Variants in PDLIM5 observed in about 807,000 individuals in gnomAD.
PDLIM5 encodes the protein PDZ and LIM domain protein 5.
A neutral mutation model predicts 64.2 loss-of-function variants in PDLIM5; 34 were observed. The observed-to-expected ratio is 0.53, with a 90% CI of 0.40 to 0.71. The LOEUF (loss-of-function observed/expected upper bound fraction) is 0.71, where lower values mean the gene tolerates loss of function less well. Ranked by LOEUF, PDLIM5 falls within the 30% of genes least tolerant of loss-of-function variation. The pLI is 0.00. For missense variants in PDLIM5, 683 were observed against 733.6 expected (o/e 0.93, Z 0.80); for synonymous variants, 253 against 269.1 (o/e 0.94, Z 0.59).
chr4:94,513,937 T>A (rs1729123758), intron 2 of PDLIM5, among the ~76,000 whole-genome samples: 1 of 152,100 alleles, frequency 6.6e-6, no homozygotes, highest in African/African-American at 2.4e-5. Context: ...CATGTAGGGA[T>A]GTTGATTTTA....
rs1445449079 is a variant in PDLIM5, at chr4:94,575,878, T to G, written c.554T>G (p.Leu185Arg). 1 of 1,614,036 alleles carries G rather than the reference T, an allele frequency of 6.2e-7. No individual in the cohort carries two copies. The highest frequency in any genetic ancestry group is 8.5e-7 in the Non-Finnish European group (1 of 1,180,024). ...TCTGGACTGCATGCTAATGCCAATC[T>G]TAGTGCTGACCAGTCTCCATCTGCA... ...AASGLHANAN[L>R]SADQSPSALS... is the part of the protein sequence containing the mutation. Residue 185 changes from leucine (L) to arginine (R), a missense_variant, in exon 5 of 13, where the codon CTT becomes CGT. Physicochemically the swap from Leu to Arg is moderately radical, Grantham distance 102 (BLOSUM62 -2). Transcript: ENST00000317968.
rs55845770 is a variant in PDLIM5 at position 94,665,507 on chromosome 4, G to A, written c.*1440G>A. 2.5e-3 allele frequency: 1,378 copies of A among 541,676 alleles called. 31 individuals are homozygous for A. The highest frequency in any genetic ancestry group is 0.021 in the African/African-American group (798 of 38,690). The allele number at this position is 541,676 out of a possible 1,614,324, so 33.6% of individuals were successfully genotyped here. ...AAAAAAAAAAAAAAAAAAAAAAAAA[G>A]AGAGAGAGAGAATAAATAGAAAAGA... On this transcript the variant is annotated 3_prime_UTR_variant, in exon 13 of 13. Coordinates refer to ENST00000317968, the MANE Select transcript of PDLIM5 (RefSeq NM_006457.5).
At position 94,494,432 on chromosome 4, in the gene PDLIM5, G is replaced by GGTTTTTTTT. The variant is rs1553940971; in HGVS notation, c.97-29292_97-29291insGTTTTTTTT. Reference sequence around the variant, plus strand: ...AGCATTCACTAATTTTTTTTTTCTTGTTTTTTTTTTTTTTTTTTTTTTTTG... The same window carrying GGTTTTTTTT: ...AGCATTCACTAATTTTTTTTTTCTTGGTTTTTTTTTTTTTTTTTTTTTTTTTTTTTTTTG... On this transcript the variant is annotated intron_variant, in intron 2 of 12. Coordinates refer to ENST00000317968, the MANE Select transcript of PDLIM5 (RefSeq NM_006457.5). 6.9e-4 allele frequency among the ~76,000 whole-genome samples: 49 copies of GGTTTTTTTT among 70,778 alleles called. 2 individuals carry two copies. Among genetic ancestry groups the GGTTTTTTTT allele is most frequent in the Non-Finnish European group, 1.2e-3 (42 of 36,266 alleles). 46.4% of individuals were successfully genotyped at this position (70,778 alleles called of 152,430 possible).
chr4:94,651,283 A>C (rs1246228579), intron 9 of PDLIM5, among the ~76,000 whole-genome samples: 1 of 152,182 alleles, frequency 6.6e-6, no homozygotes, highest in African/African-American at 2.4e-5. Context: ...TGCTTGTTTA[A>C]GAAAGGAGAT....
chr4:94,483,873 A>C (rs902234147), intron 2 of PDLIM5, among the ~76,000 whole-genome samples: 1 of 152,180 alleles, frequency 6.6e-6, no homozygotes, highest in Non-Finnish European at 1.5e-5. Flanking sequence ...TCTTAGTACA[A>C]TTCTTCATTC....
chr4:94,664,204 A>C lies in PDLIM5; in HGVS notation c.*137A>C. On this transcript the variant is annotated 3_prime_UTR_variant, in exon 13 of 13. Transcript: ENST00000317968. ...CCCTGAAGGAATAAATTCCAGCTTT[A>C]AAAACCAAGTCTGAGGAAATATTTG... is the stretch of plus-strand genomic sequence containing the variant. 1 of 1,229,968 alleles carries C rather than the reference A, an allele frequency of 8.1e-7. No individual in the cohort carries two copies. Among genetic ancestry groups the C allele is most frequent in the Non-Finnish European group, 1.0e-6 (1 of 976,418 alleles). 76.2% of individuals were successfully genotyped at this position (1,229,968 alleles called of 1,614,324 possible).
chr4:94,497,453 T>TA (rs1727499848), intron 2 of PDLIM5, among the ~76,000 whole-genome samples: 1 of 152,192 alleles, frequency 6.6e-6, no homozygotes, highest in Non-Finnish European at 1.5e-5. Flanking sequence ...AGGAAGGACT[T>TA]ACACTCACTG....
intron 7 of PDLIM5, among the ~76,000 whole-genome samples, chr4:94,602,910 T>C (rs1441789706): frequency 6.6e-6 from 1 of 152,206 alleles, no homozygotes; most frequent in East Asian, 1.9e-4. Flanking sequence ...AAGGATTAAA[T>C]ATGATGATAC....
intron 8 of PDLIM5, among the ~76,000 whole-genome samples, chr4:94,637,258 A>C (rs1420991495): frequency 1.3e-5 from 2 of 152,170 alleles, no homozygotes; most frequent in African/African-American, 4.8e-5. Flanking sequence ...TGTTGTAAGG[A>C]TTTAAGAATA....
intron 3 of PDLIM5, among the ~76,000 whole-genome samples, chr4:94,525,348 G>C (rs887778633): frequency 2.6e-5 from 4 of 152,092 alleles, no homozygotes; most frequent in African/African-American, 9.7e-5. Flanking sequence ...AACTCTAGAG[G>C]TGGAGGTTGC....
chr4:94,618,221 T>C, intron 8 of PDLIM5, 30 bp downstream of exon 8: 1 of 1,472,594 alleles, frequency 6.8e-7, no homozygotes, highest in South Asian at 1.3e-5. Flanking sequence ...TGCGTCTTGC[T>C]TTTCGTAATG....
intron 4 of PDLIM5, among the ~76,000 whole-genome samples, chr4:94,575,306 TTGACAC>T (rs1735152726): frequency 6.6e-6 from 1 of 152,252 alleles, no homozygotes; most frequent in South Asian, 2.1e-4. Context: ...TATGCCTAGG[TTGACAC>T]TGATGAGGGG....
intron 5 of PDLIM5, among the ~76,000 whole-genome samples, chr4:94,579,695 A>G (rs1735584172): frequency 6.6e-6 from 1 of 152,110 alleles, no homozygotes; most frequent in Non-Finnish European, 1.5e-5. Flanking sequence ...TTGCATTGCT[A>G]TGTTGTGGTG....
chr4:94,538,717 C>A (rs1426093741), intron 3 of PDLIM5, among the ~76,000 whole-genome samples: 2 of 152,114 alleles, frequency 1.3e-5, no homozygotes, highest in African/African-American at 4.8e-5. Flanking sequence ...TTTTCTGTAA[C>A]CTTTTCTTAT....
chr4:94,622,274 G>A (rs13435269), intron 8 of PDLIM5, among the ~76,000 whole-genome samples: 38,306 of 151,878 alleles, frequency 0.25, 5,108 homozygotes, highest in East Asian at 0.42. Flanking sequence ...GTGTTTATGC[G>A]TTCCTGTTTA....
intron 10 of PDLIM5, 46 bp downstream of exon 10, chr4:94,654,686 A>G (rs757577207): frequency 7.9e-7 from 1 of 1,261,886 alleles, no homozygotes; most frequent in Non-Finnish European, 1.1e-6. Flanking sequence ...TTAAAGTAGA[A>G]TAATTTTTTG....
intron 9 of PDLIM5, among the ~76,000 whole-genome samples, chr4:94,653,306 C>T (rs1028698510): frequency 1.3e-5 from 2 of 152,126 alleles, no homozygotes; most frequent in African/African-American, 2.4e-5. Flanking sequence ...TTCATAATAA[C>T]TGTCCTGGTC....
At chr4:94,580,678 G>A (rs2110298281) in intron 5 of PDLIM5, among the ~76,000 whole-genome samples, 1 of 152,110 alleles carries the variant, frequency 6.6e-6, no homozygotes, top group Non-Finnish European at 1.5e-5. Context: ...GTTTCTAAAT[G>A]CATTATGTGA....
At chr4:94,467,252 A>G (rs1724447482) in intron 2 of PDLIM5, among the ~76,000 whole-genome samples, 1 of 152,064 alleles carries the variant, frequency 6.6e-6, no homozygotes, top group African/African-American at 2.4e-5. Flanking sequence ...CTGGGTTGCC[A>G]TTGCAATCAA....
Sources: gnomAD v4.1 joint callset for allele counts (sites outside exome capture counted in the v4.1 genomes callset) on GRCh38, gnomAD v4.1.1 for gene constraint, MANE v1.5 for transcripts, NCBI Gene and HGNC (gene_info 2026-07-23, HGNC 2026-07-21) for gene names.